The following PPP1R3B variants were observed in gnomAD, a reference collection of about 807,000 sequenced individuals.
The protein encoded by PPP1R3B is protein phosphatase 1 regulatory subunit 3B, also known as PP1 subunit R4.
Under a neutral mutation model 14.6 loss-of-function variants are expected in PPP1R3B, and 8 were observed. The observed-to-expected ratio is 0.55, with a 90% CI of 0.32 to 0.99. The LOEUF is 0.99. PPP1R3B is among the 50% of genes least tolerant of loss of function. PPP1R3B has a pLI of 0.04. For synonymous variants in PPP1R3B, 169 were observed against 142.0 expected (o/e 1.19, Z -1.35); for missense variants, 452 against 360.1 (o/e 1.26, Z -2.07).
In PPP1R3B at chr8:9,140,887, G is replaced by T. The variant is rs1324404617; in HGVS notation, c.765C>A (p.Ser255=). 1 of 1,614,202 alleles carries T rather than the reference G, an allele frequency of 6.2e-7. No individual in the cohort carries two copies. The change falls in exon 2 of 2, where the codon TCC becomes TCA. Residue 255 remains serine (S), a synonymous_variant. Coordinates refer to ENST00000310455, the MANE Select transcript of PPP1R3B (RefSeq NM_024607.4). ...ACCGAGGGCTTCCGAACTGGTCAAA[G>T]GATATTCCCAAATCCGGTCCACTGT... ...KPHSGPDLGI[S]FDQFGSPRCS...
In PPP1R3B at chr8:9,140,794, C is replaced by T. The variant is rs202218096; in HGVS notation, c.858G>A (p.Ter286=). 5 of 1,613,686 alleles carry T rather than the reference C, an allele frequency of 3.1e-6. No individual in the cohort carries two copies. Among genetic ancestry groups the T allele is most frequent in the East Asian group, 2.2e-5 (1 of 44,868 alleles). ...LGYEKLGPYY[*] The stretch of plus-strand genomic sequence containing the variant: ...CGCCACGCCCTGTCACCTGCAGTCA[C>T]TAGTAGTAGGGCCCTAGCTTTTCAT... The change falls in exon 2 of 2, where the codon TAG becomes TAA. Residue 286 remains the stop codon, a stop_retained_variant. Coordinates refer to ENST00000310455, the MANE Select transcript of PPP1R3B (RefSeq NM_024607.4).
In PPP1R3B at chr8:9,136,927, T is replaced by C. The variant is rs1021256112; in HGVS notation, c.*3867A>G. ...CACTTTTTTGATTGATAAGCATATA[T>C]GGCCCATTTAATGTCCATGACTACA... On this transcript the variant is annotated 3_prime_UTR_variant, in exon 2 of 2. Coordinates refer to ENST00000310455, the MANE Select transcript of PPP1R3B (RefSeq NM_024607.4). The C allele has an allele frequency of 2.0e-5, 3 of 152,344 alleles. No homozygotes were observed. Among genetic ancestry groups the C allele is most frequent in the South Asian group, 4.1e-4 (2 of 4,832 alleles). The allele number at this position is 152,344 out of a possible 1,614,324, so 9.4% of individuals were successfully genotyped here.
At chr8:9,146,084 G>A (rs181849965) in intron 1 of PPP1R3B, among the ~76,000 whole-genome samples, 6 of 152,012 alleles carry the variant, frequency 3.9e-5, no homozygotes, top group African/African-American at 7.2e-5. Flanking sequence ...GCCCAGGTTG[G>A]TCTCAAACTC....
chr8:9,149,595 A>G (rs1163886988), intron 1 of PPP1R3B, among the ~76,000 whole-genome samples: 1 of 152,234 alleles, frequency 6.6e-6, no homozygotes, highest in Non-Finnish European at 1.5e-5. Flanking sequence ...CATTCAGTAA[A>G]CATTCACAAC....
chr8:9,138,331 ACAT>A lies in PPP1R3B; in HGVS notation c.*2460_*2462del, dbSNP rs1388130251. On this transcript the variant is annotated 3_prime_UTR_variant, in exon 2 of 2. Transcript: ENST00000310455. The stretch of plus-strand genomic sequence containing the variant: ...AAATGTGATTTCCCCTAAAATTATA[ACAT>A]CATGTCATCCTAGAGTGTTACCCAC... The A allele has an allele frequency of 1.3e-5, 2 of 152,232 alleles. No individual in the cohort carries two copies. The highest frequency in any genetic ancestry group is 2.9e-5 in the Non-Finnish European group (2 of 68,044). 9.4% of individuals were successfully genotyped at this position (152,232 alleles called of 1,614,324 possible).
In PPP1R3B at chr8:9,138,838, A is replaced by G. The variant is rs1032875387; in HGVS notation, c.*1956T>C. 8 of 152,264 alleles carry G rather than the reference A, an allele frequency of 5.3e-5. No individual in the cohort carries two copies. Among genetic ancestry groups the G allele is most frequent in the African/African-American group, 1.4e-4 (6 of 41,474 alleles). The allele number at this position is 152,264 out of a possible 1,614,324, so 9.4% of individuals were successfully genotyped here. ...TTCCTACAAGTATACTTGTAAAAAT[A>G]TATTTTTAAAGCACCCCTAAGTAAA... On this transcript the variant is annotated 3_prime_UTR_variant, in exon 2 of 2. Coordinates refer to ENST00000310455, the MANE Select transcript of PPP1R3B (RefSeq NM_024607.4).
chr8:9,145,755 A>G (rs1053650873), intron 1 of PPP1R3B, among the ~76,000 whole-genome samples: 10 of 152,234 alleles, frequency 6.6e-5, no homozygotes, highest in African/African-American at 2.4e-4. Flanking sequence ...GGTTTGTATT[A>G]TATCTTCTAA....
rs192633220 is a variant in PPP1R3B at position 9,149,627 on chromosome 8, A to T, written c.-18+936T>A. ...CAACCAGGTTATAATTTTCATTTTT[A>T]AAGACATGGCCATCTACCTCCCTCC... On this transcript the variant is annotated intron_variant, in intron 1 of 1. Transcript: ENST00000310455. 4.2e-3 allele frequency among the ~76,000 whole-genome samples: 637 copies of T among 152,354 alleles called. 4 individuals are homozygous for T. The highest frequency in any genetic ancestry group is 6.8e-3 in the Middle Eastern group (2 of 294).
chr8:9,141,743 T>C, intron 1 of PPP1R3B, 75 bp from the exon 2 acceptor site: 1 of 1,396,042 alleles, frequency 7.2e-7, no homozygotes, highest in South Asian at 1.4e-5. Flanking sequence ...AAAGGCATCA[T>C]TCCAGCAGGG....
chr8:9,141,186 A>T lies in PPP1R3B; in HGVS notation c.466T>A (p.Phe156Ile), dbSNP rs771111176. The T allele has an allele frequency of 1.3e-5, 21 of 1,614,174 alleles. No homozygotes were observed. Among genetic ancestry groups the T allele is most frequent in the Non-Finnish European group, 1.7e-5 (20 of 1,180,048 alleles). Residue 156 changes from phenylalanine (F) to isoleucine (I), a missense_variant, in exon 2 of 2, where the codon TTT becomes ATT. By Grantham distance (21) the Phe-to-Ile change is conservative. Coordinates refer to ENST00000310455, the MANE Select transcript of PPP1R3B (RefSeq NM_024607.4). ...AGTVKVQNLA[F>I]EKTVKIRMTF... ...ATCCTTATTTTCACGGTCTTCTCAA[A>T]TGCGAGGTTCTGAACCTTCACAGTG...
rs1307193355 is a variant in PPP1R3B at position 9,138,397 on chromosome 8, G to A, written c.*2397C>T. The stretch of plus-strand genomic sequence containing the variant: ...CAAAAAACAAAGCATTAGATTTCAG[G>A]CTAAGAACAGCCAGTTTTAGGAGTA... On this transcript the variant is annotated 3_prime_UTR_variant, in exon 2 of 2. Transcript: ENST00000310455. The A allele has an allele frequency of 6.6e-6, 1 of 152,196 alleles. No homozygotes were observed. Among genetic ancestry groups the A allele is most frequent in the Non-Finnish European group, 1.5e-5 (1 of 68,042 alleles). 9.4% of individuals were successfully genotyped at this position (152,196 alleles called of 1,614,324 possible). A position where few individuals can be genotyped will look rare whatever the true frequency, so the allele number is the denominator to read the frequency against.
chr8:9,145,070 C>G (rs1047680411), intron 1 of PPP1R3B, among the ~76,000 whole-genome samples: 3 of 151,102 alleles, frequency 2.0e-5, no homozygotes, highest in Non-Finnish European at 4.4e-5. Context: ...TTTATATCAT[C>G]ATTAAAGCCA....
rs1563125548 is a variant in PPP1R3B at position 9,141,477 on chromosome 8, C to T, written c.175G>A (p.Val59Met). Residue 59 changes from valine to methionine, a missense_variant, in exon 2 of 2, where the codon GTG becomes ATG. Val to Met is a conservative substitution (Grantham distance 21). Transcript: ENST00000310455. ...TCTGCGAAGGACACCCGCTTTTTCA[C>T]CTTCTTCTCCTGGACAGCCGGGGCC... is the stretch of plus-strand genomic sequence containing the variant. ...MVAPAVQEKK[V>M]KKRVSFADNQ... is the part of the protein sequence containing the mutation. 1.2e-6 allele frequency: 2 copies of T among 1,614,186 alleles called. No individual in the cohort carries two copies. Among genetic ancestry groups the T allele is most frequent in the East Asian group, 2.2e-5 (1 of 44,872 alleles).
At chr8:9,147,971 C>T (rs1334748815) in intron 1 of PPP1R3B, among the ~76,000 whole-genome samples, 1 of 152,164 alleles carries the variant, frequency 6.6e-6, no homozygotes, top group Non-Finnish European at 1.5e-5. Context: ...CAGGTGAGGA[C>T]ATTAACCTGT....
At chr8:9,149,984 G>C (rs1001968432) in intron 1 of PPP1R3B, among the ~76,000 whole-genome samples, 1 of 152,208 alleles carries the variant, frequency 6.6e-6, no homozygotes, top group Non-Finnish European at 1.5e-5. Context: ...TCCCCTCCAA[G>C]GTCCCTGCTG....
chr8:9,143,217 G>A (rs1801142227), intron 1 of PPP1R3B, among the ~76,000 whole-genome samples: 2 of 152,132 alleles, frequency 1.3e-5, no homozygotes, highest in African/African-American at 4.8e-5. Flanking sequence ...GGTGTGACGT[G>A]ACATCTCATT....
At chr8:9,148,731 A>G (rs1288493998) in intron 1 of PPP1R3B, among the ~76,000 whole-genome samples, 1 of 152,220 alleles carries the variant, frequency 6.6e-6, no homozygotes, top group East Asian at 1.9e-4. Context: ...GGTGATAACT[A>G]TAGACCTGCA....
At position 9,140,765 on chromosome 8, in the gene PPP1R3B, G is replaced by C; in HGVS notation, c.*29C>G. ...AGCAGAGCTAGGCTTGTCTGTGGCA[G>C]CTCCGCCACGCCCTGTCACCTGCAG... On this transcript the variant is annotated 3_prime_UTR_variant, in exon 2 of 2. Coordinates refer to ENST00000310455, the MANE Select transcript of PPP1R3B (RefSeq NM_024607.4). 1 of 1,606,640 alleles carries C rather than the reference G, an allele frequency of 6.2e-7. No individual in the cohort carries two copies. Among genetic ancestry groups the C allele is most frequent in the East Asian group, 2.2e-5 (1 of 44,818 alleles).
chr8:9,149,192 CAAA>C (rs768443532), intron 1 of PPP1R3B, among the ~76,000 whole-genome samples: 2 of 68,830 alleles, frequency 2.9e-5, no homozygotes, highest in Non-Finnish European at 2.8e-5. Context: ...AACTACGTCT[CAAA>C]AAAAAAAAAA....
Sources: allele counts gnomAD v4.1 joint callset (sites outside exome capture counted in the v4.1 genomes callset), GRCh38; gene constraint gnomAD v4.1.1; transcripts MANE v1.5; gene names NCBI Gene and HGNC (gene_info 2026-07-23, HGNC 2026-07-21).